CCDC192: variants seen among roughly 807,000 people sequenced by gnomAD.
The protein encoded by CCDC192 is coiled-coil domain containing 192.
chr5:127,788,620 T>A (rs143397507), intron 3 of CCDC192, among the ~76,000 whole-genome samples: 131 of 152,314 alleles, frequency 8.6e-4, no homozygotes, highest in African/African-American at 2.9e-3. Flanking sequence ...TATCTTCTTT[T>A]GTGTTTGATT....
chr5:127,818,198 A>G (rs1749118815), intron 5 of CCDC192, among the ~76,000 whole-genome samples: 2 of 152,164 alleles, frequency 1.3e-5, no homozygotes, highest in Admixed American at 6.5e-5. Flanking sequence ...CTACCTCTTA[A>G]TGTCACTTGA....
chr5:127,880,369 G>T (rs909200030), intron 6 of CCDC192, among the ~76,000 whole-genome samples: 1 of 148,536 alleles, frequency 6.7e-6, no homozygotes, highest in African/African-American at 2.5e-5. Context: ...ACCAAACACT[G>T]CATATTCTCA....
intron 3 of CCDC192, among the ~76,000 whole-genome samples, chr5:127,760,025 G>A (rs1277744653): frequency 2.6e-5 from 4 of 152,068 alleles, no homozygotes; most frequent in Non-Finnish European, 5.9e-5. Context: ...TAAGGACTAT[G>A]TAGTAAGAAT....
At chr5:127,805,371 T>C (rs1485666026) in intron 5 of CCDC192, among the ~76,000 whole-genome samples, 1 of 152,214 alleles carries the variant, frequency 6.6e-6, no homozygotes, top group Non-Finnish European at 1.5e-5. Context: ...CAGACTTGCG[T>C]GTAGATGTTC....
intron 6 of CCDC192, among the ~76,000 whole-genome samples, chr5:127,895,446 G>A (rs1752853102): frequency 6.6e-6 from 1 of 152,202 alleles, no homozygotes; most frequent in Non-Finnish European, 1.5e-5. Flanking sequence ...ATATCAGAAA[G>A]TCTTGAATGA....
chr5:127,847,836 A>AATAAATAC (rs1750626273), intron 5 of CCDC192, among the ~76,000 whole-genome samples: 1 of 150,932 alleles, frequency 6.6e-6, no homozygotes, highest in East Asian at 1.9e-4. Context: ...TAAATAAATA[A>AATAAATAC]ATAAATAAAT....
chr5:127,776,995 G>T (rs534869417), intron 3 of CCDC192, among the ~76,000 whole-genome samples: 1 of 152,356 alleles, frequency 6.6e-6, no homozygotes, highest in South Asian at 2.1e-4. Context: ...GAAGGAAAAT[G>T]TGGGGTGGGA....
intron 5 of CCDC192, among the ~76,000 whole-genome samples, chr5:127,825,273 A>G (rs767793949): frequency 2.0e-5 from 3 of 152,264 alleles, no homozygotes; most frequent in Non-Finnish European, 2.9e-5. Flanking sequence ...AACAAGTTGT[A>G]TTAGTGGTAT....
intron 6 of CCDC192, among the ~76,000 whole-genome samples, chr5:127,884,392 CAA>C (rs372054209): frequency 0.012 from 1,242 of 101,708 alleles, 8 homozygotes; most frequent in Middle Eastern, 0.073. Flanking sequence ...GACTGCATCT[CAA>C]AAAAAAAAAA....
chr5:127,856,528 C>T (rs1751105156), intron 5 of CCDC192, among the ~76,000 whole-genome samples: 1 of 152,238 alleles, frequency 6.6e-6, no homozygotes, highest in South Asian at 2.1e-4. Context: ...TTTGCACTCA[C>T]AACTTAGGTA....
At chr5:127,818,258 A>T (rs1357542141) in intron 5 of CCDC192, among the ~76,000 whole-genome samples, 1 of 152,232 alleles carries the variant, frequency 6.6e-6, no homozygotes, top group African/African-American at 2.4e-5. Flanking sequence ...TTAATTTAGC[A>T]AAATTTTAAC....
intron 6 of CCDC192, among the ~76,000 whole-genome samples, chr5:127,914,400 T>C (rs1753458888): frequency 6.6e-6 from 1 of 152,200 alleles, no homozygotes; most frequent in East Asian, 1.9e-4. Flanking sequence ...AATATTCTAG[T>C]ATCAAATATA....
chr5:127,782,854 G>C (rs575914779), intron 3 of CCDC192, among the ~76,000 whole-genome samples: 7 of 151,888 alleles, frequency 4.6e-5, no homozygotes, highest in African/African-American at 1.2e-4. Flanking sequence ...TGCTGGGTTT[G>C]GGTTTAATTT....
At chr5:127,933,136 G>T (rs1754088685) in intron 6 of CCDC192, among the ~76,000 whole-genome samples, 1 of 152,140 alleles carries the variant, frequency 6.6e-6, no homozygotes, top group African/African-American at 2.4e-5. Context: ...CATTTACTCT[G>T]GAGAGGAGGA....
chr5:127,813,063 G>C (rs1758168985), intron 5 of CCDC192, among the ~76,000 whole-genome samples: 1 of 152,154 alleles, frequency 6.6e-6, no homozygotes, highest in African/African-American at 2.4e-5. Flanking sequence ...TCCATTTTTG[G>C]ATGCATGTTC....
intron 3 of CCDC192, among the ~76,000 whole-genome samples, chr5:127,783,296 C>A (rs370759055): frequency 1.3e-5 from 2 of 152,094 alleles, no homozygotes; most frequent in East Asian, 1.9e-4. Flanking sequence ...ACCCAGCATC[C>A]CAGAGGTTTT....
chr5:127,814,379 C>T (rs1475727740), intron 5 of CCDC192, among the ~76,000 whole-genome samples: 4 of 152,120 alleles, frequency 2.6e-5, no homozygotes, highest in South Asian at 2.1e-4. Flanking sequence ...TGCTCTTTCC[C>T]GCATAAAACA....
intron 5 of CCDC192, among the ~76,000 whole-genome samples, chr5:127,833,378 C>T (rs1351582857): frequency 1.3e-5 from 2 of 152,140 alleles, no homozygotes; most frequent in Admixed American, 6.5e-5. Flanking sequence ...ACATGCAGAG[C>T]TCACTAAATA....
intron 6 of CCDC192, among the ~76,000 whole-genome samples, chr5:127,883,476 A>T: frequency 6.6e-6 from 1 of 152,230 alleles, no homozygotes. Context: ...CTAAAAAGTT[A>T]AATGTTAAAA....
Sources: allele counts gnomAD v4.1 joint callset (sites outside exome capture counted in the v4.1 genomes callset), GRCh38; gene constraint gnomAD v4.1.1; transcripts MANE v1.5; gene names NCBI Gene and HGNC (gene_info 2026-07-23, HGNC 2026-07-21).